The following CTNND2 variants were observed in gnomAD, a reference collection of about 807,000 sequenced individuals.
CTNND2 encodes the protein catenin delta 2.
Under a neutral mutation model 144.4 loss-of-function variants are expected in CTNND2, and 22 were observed. That is an observed-to-expected ratio of 0.15 (90% confidence interval 0.11 to 0.22). The LOEUF is 0.22. Among genes scored for constraint, CTNND2 ranks in the 10% least tolerant of loss-of-function variants. CTNND2 has a pLI of 1.00. For synonymous variants in CTNND2, 751 were observed against 695.6 expected (o/e 1.08, Z -1.25); for missense variants, 1,353 against 1,618.8 (o/e 0.84, Z 2.82).
chr5:11,481,327 C>A (rs1352893352), intron 3 of CTNND2, among the ~76,000 whole-genome samples: 1 of 152,154 alleles, frequency 6.6e-6, no homozygotes, highest in African/African-American at 2.4e-5. Flanking sequence ...AGTCTTGCAC[C>A]TTCAACAAGT....
intron 9 of CTNND2, among the ~76,000 whole-genome samples, chr5:11,268,864 C>T (rs1745720302): frequency 6.6e-6 from 1 of 152,152 alleles, no homozygotes; most frequent in African/African-American, 2.4e-5. Flanking sequence ...GAGCAATGTG[C>T]ACACTGACCC....
At chr5:11,101,878 C>T (rs181127136) in intron 14 of CTNND2, among the ~76,000 whole-genome samples, 32 of 108,282 alleles carry the variant, frequency 3.0e-4, no homozygotes, top group South Asian at 2.1e-3. Flanking sequence ...ATCTGCATGA[C>T]GACCACATAT....
chr5:11,476,034 A>C lies in CTNND2; in HGVS notation c.288-63965T>G, dbSNP rs368652125. Among the ~76,000 whole-genome samples, 171 of 132,328 alleles carry C rather than the reference A, an allele frequency of 1.3e-3. 1 individual carries two copies. Among genetic ancestry groups the C allele is most frequent in the African/African-American group, 4.5e-3 (162 of 36,064 alleles). The allele number at this position is 132,328 out of a possible 152,430, so 86.8% of individuals were successfully genotyped here. ...ACCACCATGCCCGGCTAATTTTTCT[A>C]TTTTTTTTTTTTTTTTTGTAGAGAT... On this transcript the variant is annotated intron_variant, in intron 3 of 21. Coordinates refer to ENST00000304623, the MANE Select transcript of CTNND2 (RefSeq NM_001332.4).
chr5:11,415,026 G>T (rs1420171020), intron 3 of CTNND2, among the ~76,000 whole-genome samples: 1 of 152,116 alleles, frequency 6.6e-6, no homozygotes. Context: ...TTGATTCCAT[G>T]TCTTTGCTAT....
intron 16 of CTNND2, among the ~76,000 whole-genome samples, chr5:11,079,043 T>C (rs1024464146): frequency 3.9e-5 from 6 of 152,202 alleles, no homozygotes; most frequent in South Asian, 2.1e-4. Flanking sequence ...GAGGATATGA[T>C]GGCTATTGTG....
intron 1 of CTNND2, among the ~76,000 whole-genome samples, chr5:11,840,089 T>C (rs1479561334): frequency 6.6e-6 from 1 of 152,120 alleles, no homozygotes; most frequent in African/African-American, 2.4e-5. Flanking sequence ...TACTGCAATA[T>C]ATTCATTAGG....
At chr5:10,992,200 G>A (rs983194260) in intron 19 of CTNND2, among the ~76,000 whole-genome samples, 7 of 152,214 alleles carry the variant, frequency 4.6e-5, no homozygotes, top group African/African-American at 1.4e-4. Flanking sequence ...TTACAGGCAT[G>A]AGCCACCTCG....
intron 1 of CTNND2, among the ~76,000 whole-genome samples, chr5:11,751,904 T>C (rs1318968321): frequency 6.6e-6 from 1 of 151,910 alleles, no homozygotes; most frequent in Non-Finnish European, 1.5e-5. Flanking sequence ...ATAACAGCCA[T>C]TCAGACAGGT....
At chr5:11,530,611 C>G (rs1026263363) in intron 3 of CTNND2, among the ~76,000 whole-genome samples, 1 of 152,200 alleles carries the variant, frequency 6.6e-6, no homozygotes, top group African/African-American at 2.4e-5. Flanking sequence ...GGCTTCAGAC[C>G]TCCAGGCCTC....
chr5:11,336,998 G>T (rs1324793894), intron 9 of CTNND2, among the ~76,000 whole-genome samples: 1 of 152,136 alleles, frequency 6.6e-6, no homozygotes, highest in African/African-American at 2.4e-5. Flanking sequence ...TCTGGTGAGG[G>T]TTCCACAACG....
intron 12 of CTNND2, among the ~76,000 whole-genome samples, chr5:11,133,255 C>T (rs182477012): frequency 6.4e-4 from 97 of 152,090 alleles, no homozygotes; most frequent in Middle Eastern, 3.4e-3. Flanking sequence ...GAAATATTAG[C>T]ACAGTCTTGC....
chr5:11,622,616 C>G (rs1780904718), intron 2 of CTNND2, among the ~76,000 whole-genome samples: 1 of 152,090 alleles, frequency 6.6e-6, no homozygotes, highest in Non-Finnish European at 1.5e-5. Context: ...ATCAGATTGA[C>G]TATAGCTCTG....
chr5:11,790,891 C>A (rs995761488), intron 1 of CTNND2, among the ~76,000 whole-genome samples: 2 of 152,140 alleles, frequency 1.3e-5, no homozygotes, highest in Non-Finnish European at 2.9e-5. Flanking sequence ...GGGCTTAATT[C>A]TCCAGTATCA....
intron 11 of CTNND2, among the ~76,000 whole-genome samples, chr5:11,188,179 A>T (rs551144630): frequency 6.6e-6 from 1 of 152,218 alleles, no homozygotes. Context: ...ACTAGTCACA[A>T]TAGCAAAGAC....
intron 10 of CTNND2, among the ~76,000 whole-genome samples, chr5:11,218,667 G>A (rs1739470060): frequency 6.6e-6 from 1 of 152,162 alleles, no homozygotes; most frequent in South Asian, 2.1e-4. Flanking sequence ...TACTGTCAAA[G>A]CCACATGGAG....
chr5:11,669,476 C>T (rs557547620), intron 2 of CTNND2, among the ~76,000 whole-genome samples: 14 of 152,210 alleles, frequency 9.2e-5, no homozygotes, highest in African/African-American at 3.1e-4. Context: ...CGTTTTCTTC[C>T]TGGTTTAGTC....
chr5:11,031,785 G>C (rs529994363), intron 16 of CTNND2, among the ~76,000 whole-genome samples: 62 of 152,336 alleles, frequency 4.1e-4, no homozygotes, highest in Middle Eastern at 3.4e-3. Context: ...TTTCTCCCAT[G>C]CTGGATGCTT....
At chr5:11,068,308 G>A (rs1747839161) in intron 16 of CTNND2, among the ~76,000 whole-genome samples, 1 of 152,168 alleles carries the variant, frequency 6.6e-6, no homozygotes, top group Non-Finnish European at 1.5e-5. Context: ...CTCTGGGTCA[G>A]GCTCAGGTGA....
chr5:11,017,264 CTT>C (rs1277084554), intron 18 of CTNND2, among the ~76,000 whole-genome samples: 2 of 151,994 alleles, frequency 1.3e-5, no homozygotes, highest in African/African-American at 4.8e-5. Context: ...CTAGATGTGA[CTT>C]TTTTCTCTTA....
Sources: allele counts gnomAD v4.1 joint callset (sites outside exome capture counted in the v4.1 genomes callset), GRCh38; gene constraint gnomAD v4.1.1; transcripts MANE v1.5; gene names NCBI Gene and HGNC (gene_info 2026-07-23, HGNC 2026-07-21).